RBM41: variants seen among roughly 807,000 people sequenced by gnomAD.
RBM41 encodes the protein RNA-binding protein 41.
Under a neutral mutation model 30.8 loss-of-function variants are expected in RBM41, and 14 were observed. That is an observed-to-expected ratio of 0.45 (90% CI 0.30 to 0.71). The LOEUF (loss-of-function observed/expected upper bound fraction) is 0.71. RBM41 is among the 30% of genes least tolerant of loss of function. The pLI, the probability that RBM41 is intolerant of heterozygous loss-of-function variation, is 0.08. For synonymous variants in RBM41, 120 were observed against 110.1 expected (o/e 1.09, Z -0.56); for missense variants, 276 against 326.3 (o/e 0.85, Z 1.19).
intron 1 of RBM41, among the ~76,000 whole-genome samples, chrX:107,118,563 G>A (rs968695153): frequency 4.5e-5 from 5 of 111,488 alleles, no homozygotes; most frequent in African/African-American, 6.5e-5. Flanking sequence ...AGCCGGCCCC[G>A]GTGGCAGCCC....
rs770700424 is a variant in RBM41, at chrX:107,102,462, AGTGTTAGG to A, written c.595+10927_595+10934del. Among the ~76,000 whole-genome samples the A allele has an allele frequency of 5.3e-3, 591 of 111,685 alleles. 2 individuals are homozygous for A. The highest frequency in any genetic ancestry group is 6.9e-3 in the Non-Finnish European group (367 of 53,098). ...GGACAAACTTTCATTGAAGAGATTA[AGTGTTAGG>A]GTGTTAGGATCCAATCAACCACCTC... On this transcript the variant is annotated intron_variant, in intron 5 of 7. Transcript: ENST00000685964.
In RBM41 at chrX:107,075,332, C is replaced by T. The variant is rs576482496; in HGVS notation, c.1000-5930G>A. On this transcript the variant is annotated intron_variant, in intron 6 of 7. Coordinates refer to ENST00000685964, the MANE Select transcript of RBM41 (RefSeq NM_001324242.2). ...AGAAGAAAACATAGAGGAAAACCTT[C>T]TTCACATTAGTCTTGGCAATGATTT... Among the ~76,000 whole-genome samples the T allele has an allele frequency of 4.4e-4, 49 of 111,955 alleles. No individual in the cohort carries two copies. The Middle Eastern group carries it at 0.014, about 32-fold the overall frequency.
rs1246858274 is a variant in RBM41 at position 107,066,279 on chromosome X, G to T, written c.*1248C>A. ...TTTTGGGTTTTAGCATTTTTCTTAT[G>T]ATGTATCTGTCTGTAATTTCTTTTT... is the stretch of plus-strand genomic sequence containing the variant. On this transcript the variant is annotated 3_prime_UTR_variant, in exon 8 of 8. Coordinates refer to ENST00000685964, the MANE Select transcript of RBM41 (RefSeq NM_001324242.2). 9.0e-6 allele frequency: 1 copy of T among 111,132 alleles called. No individual in the cohort carries two copies. The highest frequency in any genetic ancestry group is 2.8e-4 in the East Asian group (1 of 3,566). The allele number at this position is 111,132 out of a possible 1,213,427, so 9.2% of individuals were successfully genotyped here.
At chrX:107,104,911 A>C (rs1923811837) in intron 5 of RBM41, among the ~76,000 whole-genome samples, 1 of 111,231 alleles carries the variant, frequency 9.0e-6, no homozygotes, top group Non-Finnish European at 1.9e-5. Context: ...AGCCAATATC[A>C]TACTGAATGG....
intron 5 of RBM41, among the ~76,000 whole-genome samples, chrX:107,099,832 T>G (rs766000566): frequency 2.9e-4 from 32 of 111,631 alleles, no homozygotes; most frequent in African/African-American, 1.0e-3. Flanking sequence ...GAAACCTGAT[T>G]GCAACATTAG....
chrX:107,052,465 G>A, the RBM41 span, among the ~76,000 whole-genome samples: 1 of 110,891 alleles, frequency 9.0e-6, no homozygotes, highest in African/African-American at 3.3e-5. Flanking sequence ...CTCTCAACAG[G>A]AAAACCCAAG....
At chrX:107,115,791 C>A in intron 3 of RBM41, 71 bp downstream of exon 3, 1 of 1,091,930 alleles carries the variant, frequency 9.2e-7, no homozygotes, top group Non-Finnish European at 1.2e-6. Context: ...GCTCTCAGTG[C>A]TAAAATGAAG....
chrX:107,095,149 CAA>C (rs59436196), intron 5 of RBM41, among the ~76,000 whole-genome samples: 15 of 51,044 alleles, frequency 2.9e-4, no homozygotes, highest in Non-Finnish European at 3.0e-4. Flanking sequence ...TATAAGGAGG[CAA>C]AAAAAAAAAA....
At chrX:107,104,594 T>C (rs1602603754) in intron 5 of RBM41, among the ~76,000 whole-genome samples, 2 of 111,658 alleles carry the variant, frequency 1.8e-5, no homozygotes, top group South Asian at 3.7e-4. Flanking sequence ...CTACTTATTA[T>C]GGTATACAGT....
intron 3 of RBM41, 129 bp downstream of exon 3, chrX:107,115,733 G>A: frequency 2.2e-6 from 2 of 928,424 alleles, no homozygotes; most frequent in South Asian, 5.3e-5. Flanking sequence ...AAAAATCAAA[G>A]AAGATTCAGA....
At chrX:107,112,286 T>G (rs180976020) in intron 5 of RBM41, among the ~76,000 whole-genome samples, 13 of 111,546 alleles carry the variant, frequency 1.2e-4, no homozygotes, top group Non-Finnish European at 2.3e-4. Context: ...ATGAAAGATG[T>G]TCAACATCAT....
In RBM41 at chrX:107,065,105, T is replaced by C. The variant is rs1180937687; in HGVS notation, c.*2422A>G. On this transcript the variant is annotated 3_prime_UTR_variant, in exon 8 of 8. Transcript: ENST00000685964. ...CCAGCTTTCTTATGGCTGTTGTCTG[T>C]GTGATATATTTGTTTTCCATCCTTT... 8.9e-6 allele frequency: 1 copy of C among 111,943 alleles called. No individual in the cohort carries two copies. Among genetic ancestry groups the C allele is most frequent in the Non-Finnish European group, 1.9e-5 (1 of 53,146 alleles). 9.2% of individuals were successfully genotyped at this position (111,943 alleles called of 1,213,427 possible). A position where few individuals can be genotyped will look rare whatever the true frequency, so the allele number is the denominator to read the frequency against.
intron 6 of RBM41, among the ~76,000 whole-genome samples, chrX:107,078,703 T>C (rs1374841751): frequency 9.0e-6 from 1 of 111,451 alleles, no homozygotes; most frequent in African/African-American, 3.3e-5. Flanking sequence ...TTGGCTCCTG[T>C]ATTCCTTTGA....
chrX:107,087,345 T>G (rs750733483), intron 6 of RBM41, among the ~76,000 whole-genome samples: 2 of 111,221 alleles, frequency 1.8e-5, no homozygotes, highest in Non-Finnish European at 3.8e-5. Context: ...AGAAATTCAA[T>G]CAGTCAAACA....
At chrX:107,061,381 T>TA (rs1159777495), downstream of RBM41, among the ~76,000 whole-genome samples, 3 of 112,027 alleles carry the variant, frequency 2.7e-5, no homozygotes, top group Admixed American at 9.5e-5. Flanking sequence ...CCCACTGTCT[T>TA]AATCTGCATT....
At chrX:107,055,571 G>A in the RBM41 span, among the ~76,000 whole-genome samples, 4 of 112,223 alleles carry the variant, frequency 3.6e-5, no homozygotes, top group Admixed American at 9.4e-5. Flanking sequence ...TGATCTGCCC[G>A]CCTTGGCCTC....
chrX:107,112,955 G>A (rs1924612587), intron 5 of RBM41: 3 of 298,326 alleles, frequency 1.0e-5, no homozygotes, highest in Middle Eastern at 6.0e-4. Flanking sequence ...GATTGTGGTG[G>A]TGGTTACATG....
At chrX:107,084,634 G>A (rs1475761090) in intron 6 of RBM41, among the ~76,000 whole-genome samples, 2 of 111,112 alleles carry the variant, frequency 1.8e-5, no homozygotes, top group Non-Finnish European at 3.8e-5. Flanking sequence ...ACACTCTGAC[G>A]CCAGCAATTT....
downstream of RBM41, among the ~76,000 whole-genome samples, chrX:107,061,184 C>G (rs763071965): frequency 1.8e-5 from 2 of 111,827 alleles, no homozygotes; most frequent in South Asian, 3.8e-4. Context: ...AATGGGACAA[C>G]TGGCAAAATT....
Sources: allele counts gnomAD v4.1 joint callset (sites outside exome capture counted in the v4.1 genomes callset), GRCh38; gene constraint gnomAD v4.1.1; transcripts MANE v1.5; gene names NCBI Gene and HGNC (gene_info 2026-07-23, HGNC 2026-07-21).